Variants in CELF2 observed in about 807,000 individuals in gnomAD.
CELF2 encodes CUGBP Elav-like family member 2, also known as CUG triplet repeat RNA-binding protein 2.
A neutral mutation model predicts 62.6 loss-of-function variants in CELF2; 8 were observed. The ratio of observed to expected loss-of-function variants is 0.13; its 90% CI spans 0.07 to 0.23. The LOEUF (loss-of-function observed/expected upper bound fraction) is 0.23, where lower values mean the gene tolerates loss of function less well. CELF2 is among the 10% of genes least tolerant of loss of function. The pLI is 1.00. For synonymous variants in CELF2, 258 were observed against 250.0 expected, an observed-to-expected ratio of 1.03 and a Z score of -0.30; for missense variants, 333 against 671.0, an observed-to-expected ratio of 0.50 and a Z score of 5.56.
chr10:10,702,050 T>C, the CELF2 span, among the ~76,000 whole-genome samples: 1 of 152,246 alleles, frequency 6.6e-6, no homozygotes, highest in Admixed American at 6.5e-5. Flanking sequence ...GACTTGATTC[T>C]GGTATGCAGT....
the CELF2 span, among the ~76,000 whole-genome samples, chr10:10,655,633 A>G: frequency 8.1e-6 from 1 of 123,712 alleles, no homozygotes; most frequent in African/African-American, 2.9e-5. Flanking sequence ...ATGATTCCCT[A>G]TTTAATAAAT....
At chr10:11,198,552 G>C (rs2058510994) in intron 2 of CELF2, among the ~76,000 whole-genome samples, 2 of 152,182 alleles carry the variant, frequency 1.3e-5, no homozygotes, top group South Asian at 4.1e-4. Flanking sequence ...TTGAAAATAA[G>C]GATATTGATG....
At chr10:10,893,491 G>A (rs2062301612) in intron 1 of CELF2, among the ~76,000 whole-genome samples, 1 of 152,226 alleles carries the variant, frequency 6.6e-6, no homozygotes. Flanking sequence ...CTAAAACTAT[G>A]GCTTCGTCTA....
chr10:10,985,657 G>A (rs569727678), intron 2 of CELF2, among the ~76,000 whole-genome samples: 32 of 152,300 alleles, frequency 2.1e-4, no homozygotes, highest in Admixed American at 5.2e-4. Flanking sequence ...GGGATTAGCC[G>A]CAGCCATACT....
At chr10:10,759,358 G>A in the CELF2 span, among the ~76,000 whole-genome samples, 1 of 141,140 alleles carries the variant, frequency 7.1e-6, no homozygotes, top group Non-Finnish European at 1.5e-5. Context: ...CTCCCAGGCT[G>A]GAGCACAGTG....
intron 1 of CELF2, among the ~76,000 whole-genome samples, chr10:11,038,930 T>A (rs1255470547): frequency 6.6e-6 from 1 of 152,172 alleles, no homozygotes; most frequent in African/African-American, 2.4e-5. Context: ...ATGGAAATTT[T>A]TACAGATTCT....
intron 1 of CELF2, among the ~76,000 whole-genome samples, chr10:11,151,015 A>G (rs555798147): frequency 1.3e-5 from 2 of 150,928 alleles, no homozygotes; most frequent in African/African-American, 4.9e-5. Flanking sequence ...GAGATCATAA[A>G]AAGTCCAGGA....
chr10:10,470,672 G>A, the CELF2 span, among the ~76,000 whole-genome samples: 21 of 151,380 alleles, frequency 1.4e-4, no homozygotes, highest in African/African-American at 3.9e-4. Flanking sequence ...ATTCAACTGC[G>A]AAAGGTTCTC....
At chr10:10,775,643 A>G in the CELF2 span, among the ~76,000 whole-genome samples, 1 of 152,162 alleles carries the variant, frequency 6.6e-6, no homozygotes, top group African/African-American at 2.4e-5. Context: ...TATAGGGGAC[A>G]GAGACATAGA....
At chr10:11,322,128 G>C (rs1222722780) in intron 11 of CELF2, among the ~76,000 whole-genome samples, 1 of 152,204 alleles carries the variant, frequency 6.6e-6, no homozygotes, top group African/African-American at 2.4e-5. Context: ...ATGGCCACAG[G>C]CTTCTGTGGG....
In CELF2 at chr10:11,270,883, T is replaced by C. The variant is rs561707085; in HGVS notation, c.777+59T>C. The C allele has an allele frequency of 4.9e-5, 64 of 1,317,332 alleles. No homozygotes were observed. The highest frequency in any genetic ancestry group is 6.0e-5 in the Admixed American group (2 of 33,302). 81.6% of individuals were successfully genotyped at this position (1,317,332 alleles called of 1,614,324 possible). On this transcript the variant is annotated intron_variant, in intron 7 of 12. Coordinates refer to ENST00000633077, the MANE Select transcript of CELF2 (RefSeq NM_001326342.2). The surrounding 1 kb of genome is among the most constrained non-coding windows in gnomAD (Gnocchi z 5.8). ...CCGCTGAAACTCTGCAAACTGACTTTTCCCCTCCCTACGCTGAGGCATTTG... is the reference window on the plus strand; with the variant it reads ...CCGCTGAAACTCTGCAAACTGACTTCTCCCCTCCCTACGCTGAGGCATTTG...
chr10:10,882,747 C>T (rs907165595), intron 1 of CELF2, among the ~76,000 whole-genome samples: 1 of 152,116 alleles, frequency 6.6e-6, no homozygotes, highest in Non-Finnish European at 1.5e-5. Flanking sequence ...AAATAAAGTG[C>T]ATTTTATTAT....
At position 11,296,206 on chromosome 10, in the gene CELF2, T is replaced by C. The variant is rs925514554; in HGVS notation, c.976+7654T>C. On this transcript the variant is annotated intron_variant, in intron 9 of 12. Transcript: ENST00000633077. This position sits in a 1 kb window ranked among gnomAD's most constrained non-coding sequence, Gnocchi z 5.0. ...CTTGTTTTGAGTGGGCTTTTTAACA[T>C]GTGCAGACATTGACTCTAATTCTTC... is the stretch of plus-strand genomic sequence containing the variant. Among the ~76,000 whole-genome samples the C allele has an allele frequency of 2.0e-5, 3 of 152,184 alleles. No individual in the cohort carries two copies. Among genetic ancestry groups the C allele is most frequent in the African/African-American group, 7.2e-5 (3 of 41,448 alleles).
At chr10:11,284,905 T>C (rs887809421) in intron 8 of CELF2, among the ~76,000 whole-genome samples, 2 of 149,296 alleles carry the variant, frequency 1.3e-5, no homozygotes, top group East Asian at 4.0e-4. Flanking sequence ...GATGGGTGGA[T>C]GGTTGGATGG....
chr10:10,938,216 C>A lies in CELF2; in HGVS notation c.89+18217C>A, dbSNP rs1434040998. 6.6e-6 allele frequency among the ~76,000 whole-genome samples: 1 copy of A among 152,182 alleles called. No homozygotes were observed. The highest frequency in any genetic ancestry group is 2.4e-5 in the African/African-American group (1 of 41,436). Reference sequence around the variant, plus strand: ...GGCATGTGATGTTGATGAAAAATAGCATTCAAGTAAAGTTTACCAAGAACA... The same window carrying A: ...GGCATGTGATGTTGATGAAAAATAGAATTCAAGTAAAGTTTACCAAGAACA... On this transcript the variant is annotated intron_variant, in intron 2 of 13. Transcript: ENST00000636488. The surrounding 1 kb of genome is among the most constrained non-coding windows in gnomAD (Gnocchi z 4.2).
chr10:11,215,862 A>G (rs1199602435), intron 2 of CELF2, among the ~76,000 whole-genome samples: 1 of 152,202 alleles, frequency 6.6e-6, no homozygotes, highest in Non-Finnish European at 1.5e-5. Flanking sequence ...GCATGAAGCA[A>G]TTCCTATGGC....
the CELF2 span, among the ~76,000 whole-genome samples, chr10:10,513,787 C>A: frequency 4.5e-4 from 69 of 152,244 alleles, no homozygotes; most frequent in East Asian, 0.012. Context: ...TGCATTAGAC[C>A]CATAGAAGGG....
the CELF2 span, among the ~76,000 whole-genome samples, chr10:10,566,402 A>AT: frequency 5.6e-3 from 799 of 142,532 alleles, 5 homozygotes; most frequent in Non-Finnish European, 4.9e-3. Flanking sequence ...GCACTTAGGG[A>AT]TTTTTTTTTT....
chr10:10,793,782 T>C (rs781712632), upstream of CELF2, among the ~76,000 whole-genome samples: 4 of 152,162 alleles, frequency 2.6e-5, no homozygotes, highest in Admixed American at 6.5e-5. Context: ...GAAGAACAAA[T>C]AAATTTATTT....
Sources: allele counts gnomAD v4.1 joint callset (sites outside exome capture counted in the v4.1 genomes callset), GRCh38; gene constraint gnomAD v4.1.1; non-coding constraint Gnocchi (gnomAD v3.1); transcripts MANE v1.5; gene names NCBI Gene and HGNC (gene_info 2026-07-23, HGNC 2026-07-21).